Variants in SCHIP1 observed in about 807,000 individuals in gnomAD.
SCHIP1 encodes the protein schwannomin-interacting protein 1.
In SCHIP1, 8 loss-of-function variants were observed where a neutral mutation model predicts 29.7. The observed-to-expected ratio is 0.27, with a 90% CI of 0.16 to 0.49. The LOEUF is 0.49. Ranked by LOEUF, SCHIP1 falls within the 20% of genes least tolerant of loss-of-function variation. The pLI is 0.99. For synonymous variants in SCHIP1, 76 were observed against 94.9 expected, an observed-to-expected ratio of 0.80 and a Z score of 1.16; for missense variants, 193 against 294.6, an observed-to-expected ratio of 0.66 and a Z score of 2.52.
At chr3:159,422,864 C>A in the SCHIP1 span, among the ~76,000 whole-genome samples, 1 of 152,114 alleles carries the variant, frequency 6.6e-6, no homozygotes, top group Non-Finnish European at 1.5e-5. Flanking sequence ...GGCATTTGGG[C>A]AGTTTCTAGT....
chr3:159,725,781 G>T, the SCHIP1 span, among the ~76,000 whole-genome samples: 2 of 152,168 alleles, frequency 1.3e-5, no homozygotes, highest in Non-Finnish European at 1.5e-5. Context: ...TCACAGGAAA[G>T]AAACAAATTG....
chr3:159,618,485 A>C, the SCHIP1 span, among the ~76,000 whole-genome samples: 1 of 152,120 alleles, frequency 6.6e-6, no homozygotes, highest in Non-Finnish European at 1.5e-5. Context: ...TATGAAACTG[A>C]TCTGGGTGAT....
chr3:159,302,119 A>G, the SCHIP1 span, among the ~76,000 whole-genome samples: 74 of 152,336 alleles, frequency 4.9e-4, no homozygotes, highest in East Asian at 4.6e-3. Context: ...ATTTTAAACA[A>G]TGCTGTTCCG....
the SCHIP1 span, among the ~76,000 whole-genome samples, chr3:159,821,262 T>A: frequency 6.6e-6 from 1 of 151,960 alleles, no homozygotes; most frequent in South Asian, 2.1e-4. Context: ...GAGAGAGAAA[T>A]TGTAGACAGC....
At chr3:159,301,143 A>G in the SCHIP1 span, among the ~76,000 whole-genome samples, 3 of 152,166 alleles carry the variant, frequency 2.0e-5, no homozygotes, top group Non-Finnish European at 2.9e-5. Context: ...AGCACTTTTC[A>G]TAATTAACAC....
chr3:159,533,980 A>C, the SCHIP1 span, among the ~76,000 whole-genome samples: 2 of 152,210 alleles, frequency 1.3e-5, no homozygotes, highest in African/African-American at 4.8e-5. Context: ...TCATGTGAAG[A>C]AGCTAACCCT....
the SCHIP1 span, among the ~76,000 whole-genome samples, chr3:159,431,122 A>G: frequency 5.9e-5 from 9 of 151,268 alleles, no homozygotes; most frequent in African/African-American, 2.2e-4. Context: ...TAATTCAGCG[A>G]GGAAAAAAAC....
the SCHIP1 span, among the ~76,000 whole-genome samples, chr3:159,486,895 C>A: frequency 6.6e-6 from 1 of 152,156 alleles, no homozygotes; most frequent in Non-Finnish European, 1.5e-5. Context: ...GCAAGGGAGT[C>A]TGAAATAAAT....
At chr3:159,809,385 C>A in the SCHIP1 span, among the ~76,000 whole-genome samples, 2 of 152,098 alleles carry the variant, frequency 1.3e-5, no homozygotes, top group African/African-American at 4.8e-5. Context: ...TCCAGTCTAT[C>A]ATTGATGGAC....
At chr3:159,717,492 T>C in the SCHIP1 span, among the ~76,000 whole-genome samples, 1 of 151,652 alleles carries the variant, frequency 6.6e-6, no homozygotes, top group African/African-American at 2.4e-5. Context: ...GCAGGACTAA[T>C]AAAGAAGAAA....
the SCHIP1 span, among the ~76,000 whole-genome samples, chr3:159,477,742 T>G: frequency 6.6e-6 from 1 of 152,172 alleles, no homozygotes; most frequent in African/African-American, 2.4e-5. Flanking sequence ...CTCACTTTGT[T>G]AATTGTTTCC....
At chr3:159,464,151 G>A in the SCHIP1 span, among the ~76,000 whole-genome samples, 159 of 152,232 alleles carry the variant, frequency 1.0e-3, 1 homozygote, top group Non-Finnish European at 6.9e-4. Context: ...GAAAATTTTA[G>A]CAGCAGTGAG....
chr3:159,750,261 G>GTATA, the SCHIP1 span, among the ~76,000 whole-genome samples: 207 of 11,560 alleles, frequency 0.018, 1 homozygote, highest in African/African-American at 0.027. Flanking sequence ...GTATGTGTGT[G>GTATA]TGTATATATA....
chr3:159,643,517 T>C, the SCHIP1 span, among the ~76,000 whole-genome samples: 1 of 152,076 alleles, frequency 6.6e-6, no homozygotes, highest in Non-Finnish European at 1.5e-5. Context: ...AGCAAGCCTA[T>C]GTGGGAAGTC....
At chr3:159,550,096 G>A in the SCHIP1 span, among the ~76,000 whole-genome samples, 1 of 151,204 alleles carries the variant, frequency 6.6e-6, no homozygotes, top group Admixed American at 6.6e-5. Context: ...ATTATCTTAA[G>A]ATATCTTAAG....
At chr3:159,587,688 C>T in the SCHIP1 span, among the ~76,000 whole-genome samples, 16 of 152,168 alleles carry the variant, frequency 1.1e-4, no homozygotes, top group African/African-American at 3.9e-4. Flanking sequence ...TCTCATTGTT[C>T]AATTCCCACC....
At chr3:159,456,924 G>T in the SCHIP1 span, among the ~76,000 whole-genome samples, 1 of 152,076 alleles carries the variant, frequency 6.6e-6, no homozygotes, top group African/African-American at 2.4e-5. Context: ...ATCAGGAAGG[G>T]TTGTTAAAAA....
the SCHIP1 span, among the ~76,000 whole-genome samples, chr3:159,791,169 A>T: frequency 6.6e-6 from 1 of 152,202 alleles, no homozygotes; most frequent in Non-Finnish European, 1.5e-5. Flanking sequence ...TCAACCACTC[A>T]GTGCAGGGAG....
chr3:159,751,946 G>A, the SCHIP1 span, among the ~76,000 whole-genome samples: 11 of 152,220 alleles, frequency 7.2e-5, no homozygotes, highest in East Asian at 9.6e-4. Flanking sequence ...TACTTCATGC[G>A]TGGTTTAGCA....
Sources: gnomAD v4.1 joint callset for allele counts (sites outside exome capture counted in the v4.1 genomes callset) on GRCh38, gnomAD v4.1.1 for gene constraint, MANE v1.5 for transcripts, NCBI Gene and HGNC (gene_info 2026-07-23, HGNC 2026-07-21) for gene names.